Variants in GNA14 observed in about 807,000 individuals in gnomAD.
GNA14 encodes the protein G protein subunit alpha 14.
A neutral mutation model predicts 42.0 loss-of-function variants in GNA14; 50 were observed. The ratio of observed to expected loss-of-function variants is 1.19; its 90% CI spans 0.95 to 1.51. The LOEUF is 1.51. GNA14 is among the 40% of genes most tolerant of loss of function. The pLI, the probability that GNA14 is intolerant of heterozygous loss-of-function variation, is 0.00. For synonymous variants in GNA14, 173 were observed against 163.1 expected (o/e 1.06, Z -0.46); for missense variants, 473 against 446.2 (o/e 1.06, Z -0.54).
chr9:77,633,683 C>T (rs1824134444), intron 1 of GNA14, among the ~76,000 whole-genome samples: 2 of 152,146 alleles, frequency 1.3e-5, no homozygotes, highest in African/African-American at 2.4e-5. Context: ...TATTTGCCCC[C>T]ATGGGGTAGA....
chr9:77,574,472 A>G (rs1364490506), intron 1 of GNA14, among the ~76,000 whole-genome samples: 1 of 152,224 alleles, frequency 6.6e-6, no homozygotes, highest in African/African-American at 2.4e-5. Context: ...TGACCAATGG[A>G]ATAAAAAATA....
intron 1 of GNA14, among the ~76,000 whole-genome samples, chr9:77,585,763 T>G (rs1183469051): frequency 1.3e-5 from 2 of 152,226 alleles, no homozygotes; most frequent in East Asian, 3.8e-4. Flanking sequence ...GTGACGTCTA[T>G]CCAATAAATC....
intron 1 of GNA14, among the ~76,000 whole-genome samples, chr9:77,641,097 G>GAA (rs796647161): frequency 4.4e-5 from 1 of 22,502 alleles, no homozygotes; most frequent in Non-Finnish European, 6.8e-5. Flanking sequence ...GAGGGGAGGG[G>GAA]GGGGAAGGAA....
intron 2 of GNA14, chr9:77,518,161 A>C (rs1837291567): frequency 6.6e-6 from 1 of 152,074 alleles, no homozygotes; most frequent in Non-Finnish European, 1.5e-5. Context: ...CCCTCAATGG[A>C]GGAAGGGAAT....
intron 1 of GNA14, among the ~76,000 whole-genome samples, chr9:77,563,913 C>A (rs554867926): frequency 6.6e-6 from 1 of 152,194 alleles, no homozygotes; most frequent in South Asian, 2.1e-4. Flanking sequence ...ACTACTTTTA[C>A]AAGCTCTCTT....
chr9:77,569,170 G>A (rs925823332), intron 1 of GNA14, among the ~76,000 whole-genome samples: 1 of 150,158 alleles, frequency 6.7e-6, no homozygotes, highest in Non-Finnish European at 1.5e-5. Context: ...TTTTTTAAAT[G>A]GGGTTGGGAA....
intron 1 of GNA14, among the ~76,000 whole-genome samples, chr9:77,560,017 T>C (rs1822851907): frequency 6.6e-6 from 1 of 152,148 alleles, no homozygotes. Context: ...CCATGAGAAT[T>C]ACCTAGCGAG....
At chr9:77,641,494 T>G (rs910985700) in intron 1 of GNA14, among the ~76,000 whole-genome samples, 1 of 147,118 alleles carries the variant, frequency 6.8e-6, no homozygotes, top group Admixed American at 6.9e-5. Context: ...ACGTATCCAG[T>G]GTTCCAGCCA....
Position 77,613,832 on chromosome 9 carries a change from A to G in GNA14, c.124+33838T>C, listed in dbSNP as rs144672411. 3.3e-5 allele frequency among the ~76,000 whole-genome samples: 5 copies of G among 152,298 alleles called. No homozygotes were observed. The East Asian group carries it at 9.6e-4, about 29-fold the overall frequency. On this transcript the variant is annotated intron_variant, in intron 1 of 6. Transcript: ENST00000341700. ...GATTTACCACTAAGTGGCTCCCACT[A>G]CTTTCTCTCCTCTTCCTTGCCAAAG...
At chr9:77,541,805 C>T (rs1006800737) in intron 1 of GNA14, among the ~76,000 whole-genome samples, 2 of 152,040 alleles carry the variant, frequency 1.3e-5, no homozygotes, top group African/African-American at 4.8e-5. Flanking sequence ...ATTCTTTCTT[C>T]TACTTGAGCA....
intron 2 of GNA14, among the ~76,000 whole-genome samples, chr9:77,479,638 G>T (rs1836504301): frequency 6.6e-6 from 1 of 151,938 alleles, no homozygotes; most frequent in Non-Finnish European, 1.5e-5. Flanking sequence ...CACGACCTTG[G>T]GCAGTATGGC....
chr9:77,641,879 C>T (rs1332018138), intron 1 of GNA14, among the ~76,000 whole-genome samples: 2 of 152,102 alleles, frequency 1.3e-5, no homozygotes, highest in Non-Finnish European at 2.9e-5. Flanking sequence ...GAAAAACACG[C>T]TTAAGAGTTT....
intron 1 of GNA14, among the ~76,000 whole-genome samples, chr9:77,596,972 C>G (rs978510843): frequency 6.6e-6 from 1 of 152,172 alleles, no homozygotes; most frequent in Admixed American, 6.5e-5. Flanking sequence ...TCTCATGTCT[C>G]CCTAGAATGT....
At chr9:77,502,147 A>T (rs748261854) in intron 2 of GNA14, among the ~76,000 whole-genome samples, 2 of 151,954 alleles carry the variant, frequency 1.3e-5, no homozygotes, top group Non-Finnish European at 2.9e-5. Flanking sequence ...GTTCCTCTCT[A>T]TATGTCTTAT....
In GNA14 at chr9:77,560,267, AT is replaced by A. The variant is rs1027474466; in HGVS notation, c.125-31015del. On this transcript the variant is annotated intron_variant, in intron 1 of 6. Coordinates refer to ENST00000341700, the MANE Select transcript of GNA14 (RefSeq NM_004297.4). ...AATTAATTACTTAATAGTTTAATTA[AT>A]TTTTTTTCCTCTCCAGTCTTTTTTT... 6.0e-5 allele frequency among the ~76,000 whole-genome samples: 9 copies of A among 150,600 alleles called. 1 individual carries two copies. The highest frequency in any genetic ancestry group is 2.2e-4 in the African/African-American group (9 of 40,892).
At chr9:77,621,571 A>G (rs1823922659) in intron 1 of GNA14, among the ~76,000 whole-genome samples, 1 of 152,082 alleles carries the variant, frequency 6.6e-6, no homozygotes. Context: ...CCTCTTTCTC[A>G]TTTCCTCCAC....
At chr9:77,585,015 C>T (rs928089443) in intron 1 of GNA14, among the ~76,000 whole-genome samples, 1 of 152,096 alleles carries the variant, frequency 6.6e-6, no homozygotes, top group Non-Finnish European at 1.5e-5. Context: ...GTCTTTATGA[C>T]CTGTATCTTG....
chr9:77,473,747 C>T (rs540020303), intron 2 of GNA14, among the ~76,000 whole-genome samples: 23 of 152,012 alleles, frequency 1.5e-4, no homozygotes, highest in Non-Finnish European at 2.5e-4. Context: ...GAGACTCACG[C>T]TCCCTGATTT....
intron 1 of GNA14, among the ~76,000 whole-genome samples, chr9:77,639,889 C>T (rs1247804070): frequency 6.6e-6 from 1 of 152,208 alleles, no homozygotes; most frequent in Non-Finnish European, 1.5e-5. Flanking sequence ...AATGTGAGGG[C>T]TCTTGCAGAG....
Sources: gnomAD v4.1 joint callset for allele counts (sites outside exome capture counted in the v4.1 genomes callset) on GRCh38, gnomAD v4.1.1 for gene constraint, MANE v1.5 for transcripts, NCBI Gene and HGNC (gene_info 2026-07-23, HGNC 2026-07-21) for gene names.